RAP1B: variants seen among roughly 807,000 people sequenced by gnomAD.
RAP1B encodes the protein ras-related protein Rap-1b.
A neutral mutation model predicts 27.5 loss-of-function variants in RAP1B; 1 was observed. That is an observed-to-expected ratio of 0.04 (90% confidence interval 0.01 to 0.17). The LOEUF is 0.17. Ranked by LOEUF, RAP1B falls within the 10% of genes least tolerant of loss-of-function variation. The pLI is 1.00. For synonymous variants in RAP1B, 75 were observed against 73.1 expected, an observed-to-expected ratio of 1.03 and a Z score of -0.13; for missense variants, 84 against 214.8, an observed-to-expected ratio of 0.39 and a Z score of 3.81.
intron 1 of RAP1B, chr12:68,626,726 G>T: frequency 1.4e-6 from 1 of 707,986 alleles, no homozygotes. Flanking sequence ...CTGGTCTCGG[G>T]TAAAGGTCTT....
chr12:68,634,080 G>C (rs910652361), intron 1 of RAP1B, among the ~76,000 whole-genome samples: 1 of 152,058 alleles, frequency 6.6e-6, no homozygotes, highest in African/African-American at 2.4e-5. Flanking sequence ...GAAGAGAGAA[G>C]AATCCATGAC....
At chr12:68,618,127 G>A (rs1423658865) in intron 1 of RAP1B, among the ~76,000 whole-genome samples, 10 of 113,998 alleles carry the variant, frequency 8.8e-5, no homozygotes, top group Admixed American at 6.7e-4. Flanking sequence ...GGAGTCTGTC[G>A]CCCAGGCTAG....
intron 4 of RAP1B, among the ~76,000 whole-genome samples, chr12:68,653,790 G>T (rs1300416378): frequency 6.6e-6 from 1 of 152,002 alleles, no homozygotes; most frequent in Admixed American, 6.6e-5. Context: ...AATTAGCCGG[G>T]CATGGTGGTG....
rs1212214555 is a variant in RAP1B at position 68,659,627 on chromosome 12, A to G, written c.*378A>G. On this transcript the variant is annotated 3_prime_UTR_variant, in exon 8 of 8. Coordinates refer to ENST00000250559, the MANE Select transcript of RAP1B (RefSeq NM_001010942.3). ...CAATAATGTAAATCCTAAAAGCACC[A>G]CTATTTTAGCATAATAAAAGAAAGT... The G allele has an allele frequency of 6.4e-6, 1 of 157,054 alleles. No individual in the cohort carries two copies. Among genetic ancestry groups the G allele is most frequent in the Non-Finnish European group, 1.4e-5 (1 of 71,114 alleles). 9.7% of individuals were successfully genotyped at this position (157,054 alleles called of 1,614,324 possible).
At chr12:68,617,371 A>T (rs1369994625) in intron 1 of RAP1B, among the ~76,000 whole-genome samples, 2 of 152,346 alleles carry the variant, frequency 1.3e-5, no homozygotes, top group East Asian at 3.9e-4. Context: ...TCTCAATACA[A>T]TAGCAAAATG....
At chr12:68,611,182 C>T (rs1870543929) in intron 1 of RAP1B, 139 bp downstream of exon 1, 1 of 146,178 alleles carries the variant, frequency 6.8e-6, no homozygotes, top group South Asian at 2.0e-4. Context: ...CGGCGGCAGC[C>T]CCTCGGCGCG....
chr12:68,640,313 CTT>C (rs555626968), intron 1 of RAP1B, among the ~76,000 whole-genome samples: 1 of 149,322 alleles, frequency 6.7e-6, no homozygotes, highest in Non-Finnish European at 1.5e-5. Context: ...ATTCTTATCT[CTT>C]TTTTTTTTCT....
rs748397660 is a variant in RAP1B at position 68,667,939 on chromosome 12, GAA to G, written c.*8692_*8693del. On this transcript the variant is annotated 3_prime_UTR_variant, in exon 8 of 8. Coordinates refer to ENST00000250559, the MANE Select transcript of RAP1B (RefSeq NM_001010942.3). The stretch of plus-strand genomic sequence containing the variant: ...CTAACAGCTAGCTCTTAATTTTTCA[GAA>G]ATAAGAGGACATCATTGGCCACTAT... 73 of 152,130 alleles carry G rather than the reference GAA, an allele frequency of 4.8e-4. 1 individual carries two copies. Among genetic ancestry groups the G allele is most frequent in the Non-Finnish European group, 8.8e-5 (6 of 68,020 alleles). 9.4% of individuals were successfully genotyped at this position (152,130 alleles called of 1,614,324 possible). A position where few individuals can be genotyped will look rare whatever the true frequency, so the allele number is the denominator to read the frequency against.
chr12:68,645,469 G>A (rs1195523536), intron 1 of RAP1B, among the ~76,000 whole-genome samples: 2 of 152,192 alleles, frequency 1.3e-5, no homozygotes, highest in East Asian at 3.8e-4. Context: ...GAAATTTTAG[G>A]GAATTGACAT....
At chr12:68,618,335 G>T (rs145158175) in intron 1 of RAP1B, among the ~76,000 whole-genome samples, 77 of 151,972 alleles carry the variant, frequency 5.1e-4, no homozygotes, top group African/African-American at 1.8e-3. Flanking sequence ...TGATCTGCCC[G>T]CCTCGGCCTC....
intron 1 of RAP1B, among the ~76,000 whole-genome samples, chr12:68,614,243 G>T (rs1421735072): frequency 6.6e-6 from 1 of 152,158 alleles, no homozygotes; most frequent in Non-Finnish European, 1.5e-5. Context: ...CTGATACAGA[G>T]AATTTGACCG....
chr12:68,643,046 A>G (rs1873135690), intron 1 of RAP1B: 1 of 717,208 alleles, frequency 1.4e-6, no homozygotes, highest in South Asian at 1.5e-5. Flanking sequence ...AGCCGCCTTT[A>G]ACTTCTTGAA....
chr12:68,611,877 A>G (rs1430883159), intron 1 of RAP1B, among the ~76,000 whole-genome samples: 1 of 152,182 alleles, frequency 6.6e-6, no homozygotes, highest in African/African-American at 2.4e-5. Context: ...TTTATTTAAA[A>G]CTACGCCCAG....
At chr12:68,615,174 G>T (rs1870893159) in intron 1 of RAP1B, among the ~76,000 whole-genome samples, 1 of 151,892 alleles carries the variant, frequency 6.6e-6, no homozygotes, top group African/African-American at 2.4e-5. Flanking sequence ...TCAAATCAAG[G>T]GTACAGTAGC....
intron 5 of RAP1B, among the ~76,000 whole-genome samples, chr12:68,654,515 G>A (rs953570469): frequency 3.3e-5 from 5 of 150,618 alleles, no homozygotes; most frequent in Non-Finnish European, 7.4e-5. Context: ...CCTTTGAGAT[G>A]GAGTCTTGCA....
chr12:68,654,617 A>T (rs1874070511), intron 5 of RAP1B, among the ~76,000 whole-genome samples: 1 of 151,570 alleles, frequency 6.6e-6, no homozygotes, highest in South Asian at 2.1e-4. Context: ...AGCTGGGACT[A>T]CAGGCGCCTG....
intron 6 of RAP1B, 129 bp downstream of exon 6, chr12:68,656,578 A>G: frequency 1.2e-6 from 1 of 851,002 alleles, no homozygotes; most frequent in Non-Finnish European, 1.9e-6. Flanking sequence ...AAAAAAAAAA[A>G]CCCTCATGTT....
At position 68,668,764 on chromosome 12, in the gene RAP1B, GCTTA is replaced by G. The variant is rs1477452539; in HGVS notation, c.*9520_*9523del. On this transcript the variant is annotated 3_prime_UTR_variant, in exon 8 of 8. Coordinates refer to ENST00000250559, the MANE Select transcript of RAP1B (RefSeq NM_001010942.3). The stretch of plus-strand genomic sequence containing the variant: ...GAATAAGAAAAACCAGCAAATGATA[GCTTA>G]CTTATTCAGTTATTTGGCTTGATAC... 3 of 152,130 alleles carry G rather than the reference GCTTA, an allele frequency of 2.0e-5. No homozygotes were observed. Among genetic ancestry groups the G allele is most frequent in the Admixed American group, 6.6e-5 (1 of 15,260 alleles). 9.4% of individuals were successfully genotyped at this position (152,130 alleles called of 1,614,324 possible). A position where few individuals can be genotyped will look rare whatever the true frequency, so the allele number is the denominator to read the frequency against.
intron 5 of RAP1B, 131 bp from the exon 6 acceptor site, chr12:68,656,172 TTTA>T (rs1368019369): frequency 5.6e-5 from 44 of 785,534 alleles, no homozygotes; most frequent in Non-Finnish European, 8.1e-5. Context: ...GGCTGTAAAT[TTTA>T]TTATACATTA....
Sources: allele counts gnomAD v4.1 joint callset (sites outside exome capture counted in the v4.1 genomes callset), GRCh38; gene constraint gnomAD v4.1.1; transcripts MANE v1.5; gene names NCBI Gene and HGNC (gene_info 2026-07-23, HGNC 2026-07-21).